The following RNF111 variants were observed in gnomAD, a reference collection of about 807,000 sequenced individuals.
The protein encoded by RNF111 is E3 ubiquitin-protein ligase Arkadia.
In RNF111, 17 loss-of-function variants were observed where a neutral mutation model predicts 95.1. That is an observed-to-expected ratio of 0.18 (90% CI 0.12 to 0.27). RNF111 has a LOEUF of 0.27. RNF111 is among the 10% of genes least tolerant of loss of function. The pLI, the probability that RNF111 is intolerant of heterozygous loss-of-function variation, is 1.00. For synonymous variants in RNF111, 440 were observed against 414.8 expected (o/e 1.06, Z -0.74); for missense variants, 1,189 against 1,210.4 (o/e 0.98, Z 0.26).
intron 6 of RNF111, among the ~76,000 whole-genome samples, chr15:59,069,551 A>G (rs2042817176): frequency 6.6e-6 from 1 of 152,216 alleles, no homozygotes; most frequent in South Asian, 2.1e-4. Flanking sequence ...TGTTCAGTGT[A>G]AAATAAATAT....
In RNF111 at chr15:59,085,648, C is replaced by T; in HGVS notation, c.2424-11C>T. 1.9e-6 allele frequency: 3 copies of T among 1,612,124 alleles called. No homozygotes were observed. Among genetic ancestry groups the T allele is most frequent in the Non-Finnish European group, 2.5e-6 (3 of 1,178,960 alleles). ...CTAAGGAGGATTAAACTGTTCTCATCCTTTCGTTAGGGAACTGGGAATTGA... is the reference window on the plus strand; with the variant it reads ...CTAAGGAGGATTAAACTGTTCTCATTCTTTCGTTAGGGAACTGGGAATTGA... On this transcript the variant is annotated splice_polypyrimidine_tract_variant and intron_variant, in intron 9 of 13. Coordinates refer to ENST00000348370, the MANE Select transcript of RNF111 (RefSeq NM_017610.8).
intron 2 of RNF111, chr15:59,049,503 C>T (rs2041873687): frequency 1.0e-5 from 2 of 200,840 alleles, no homozygotes; most frequent in South Asian, 9.6e-5. Flanking sequence ...TTCAGTTGTA[C>T]CTAGGTACCT....
In RNF111 at chr15:59,096,372, G is replaced by T. The variant is rs2079177134; in HGVS notation, c.*1472G>T. On this transcript the variant is annotated 3_prime_UTR_variant, in exon 14 of 14. Coordinates refer to ENST00000348370, the MANE Select transcript of RNF111 (RefSeq NM_017610.8). ...CATATGTGAAGATGTCAATAAGCTT[G>T]CATTAAGCCACCTGCTTTGTAAGTG... The T allele has an allele frequency of 1.0e-5, 3 of 299,072 alleles. No individual in the cohort carries two copies. Among genetic ancestry groups the T allele is most frequent in the African/African-American group, 6.5e-5 (3 of 46,440 alleles). The allele number at this position is 299,072 out of a possible 1,614,324, so 18.5% of individuals were successfully genotyped here. A position where few individuals can be genotyped will look rare whatever the true frequency, so the allele number is the denominator to read the frequency against.
chr15:59,081,927 A>G (rs1194573152), intron 8 of RNF111, among the ~76,000 whole-genome samples: 1 of 152,154 alleles, frequency 6.6e-6, no homozygotes, highest in African/African-American at 2.4e-5. Context: ...GGGTAGGCTG[A>G]GATGAAAGGA....
chr15:59,000,488 G>T (rs1186927863), intron 1 of RNF111, among the ~76,000 whole-genome samples: 1 of 152,052 alleles, frequency 6.6e-6, no homozygotes, highest in Admixed American at 6.5e-5. Context: ...GAGGCAGGCG[G>T]ATCACCTGAG....
intron 7 of RNF111, among the ~76,000 whole-genome samples, chr15:59,077,934 C>A (rs1295933200): frequency 6.6e-6 from 1 of 152,142 alleles, no homozygotes; most frequent in African/African-American, 2.4e-5. Context: ...CCAACTTGCC[C>A]GTGCTTTTAA....
intron 13 of RNF111, 131 bp downstream of exon 13, chr15:59,092,771 C>T (rs2079087316): frequency 1.1e-6 from 1 of 879,724 alleles, no homozygotes; most frequent in Non-Finnish European, 1.7e-6. Context: ...AGGCCAGAGG[C>T]TCTCTTGAGG....
chr15:59,055,990 T>C, intron 4 of RNF111, 145 bp downstream of exon 4: 1 of 627,866 alleles, frequency 1.6e-6, no homozygotes, highest in Non-Finnish European at 2.5e-6. Flanking sequence ...TCGTTTTTAA[T>C]TGATATCCTA....
intron 2 of RNF111, among the ~76,000 whole-genome samples, chr15:59,039,611 TC>T (rs2041347916): frequency 1.3e-5 from 2 of 152,214 alleles, no homozygotes; most frequent in South Asian, 4.1e-4. Flanking sequence ...TTTGATGCCA[TC>T]CTAGTAGTCG....
At chr15:59,078,593 C>T (rs1023149604) in intron 7 of RNF111, among the ~76,000 whole-genome samples, 10 of 151,094 alleles carry the variant, frequency 6.6e-5, no homozygotes, top group East Asian at 1.9e-4. Context: ...CACAGTGGCT[C>T]ACGCCTGTAA....
chr15:59,030,770 A>G (rs907253744), intron 1 of RNF111, 34 bp from the exon 2 acceptor site: 2 of 1,420,850 alleles, frequency 1.4e-6, no homozygotes, highest in Non-Finnish European at 1.9e-6. Flanking sequence ...AAAACACATT[A>G]AAAATCTTTT....
intron 2 of RNF111, among the ~76,000 whole-genome samples, chr15:59,036,847 T>C (rs535901142): frequency 1.3e-5 from 2 of 152,152 alleles, no homozygotes; most frequent in Non-Finnish European, 2.9e-5. Flanking sequence ...TTTATTTGCT[T>C]TTTGAGACAG....
At chr15:58,992,460 T>A (rs1453162293) in intron 1 of RNF111, among the ~76,000 whole-genome samples, 7 of 152,266 alleles carry the variant, frequency 4.6e-5, no homozygotes, top group African/African-American at 1.7e-4. Flanking sequence ...GGGTGATGGG[T>A]ACATGGGTAT....
rs930210334 is a variant in RNF111, at chr15:59,016,403, C to T, written c.-19-14401C>T. Reference sequence around the variant, plus strand: ...CAGGATGGTCTTGATCTCTTGACTTCGTGATCTGCCCACTTTGGCCTAATT... The same window carrying T: ...CAGGATGGTCTTGATCTCTTGACTTTGTGATCTGCCCACTTTGGCCTAATT... On this transcript the variant is annotated intron_variant, in intron 1 of 13. Coordinates refer to ENST00000348370, the MANE Select transcript of RNF111 (RefSeq NM_017610.8). 7.2e-5 allele frequency among the ~76,000 whole-genome samples: 11 copies of T among 151,948 alleles called. No individual in the cohort carries two copies. The South Asian group carries it at 8.3e-4, about 11-fold the overall frequency.
chr15:59,079,809 T>C (rs1247749757), intron 7 of RNF111, among the ~76,000 whole-genome samples: 1 of 152,218 alleles, frequency 6.6e-6, no homozygotes, highest in Admixed American at 6.5e-5. Flanking sequence ...TTTACGTCCA[T>C]ATTTGATGGG....
intron 1 of RNF111, among the ~76,000 whole-genome samples, chr15:59,006,758 C>T (rs1348545896): frequency 1.3e-5 from 2 of 152,164 alleles, no homozygotes; most frequent in African/African-American, 4.8e-5. Flanking sequence ...TTTCATGTCA[C>T]TAACTAGAGT....
intron 5 of RNF111, among the ~76,000 whole-genome samples, chr15:59,060,934 G>A (rs1486523806): frequency 3.3e-5 from 5 of 151,770 alleles, no homozygotes; most frequent in African/African-American, 9.7e-5. Context: ...GGGACCACAG[G>A]CATGACCACC....
rs567852479 is a variant in RNF111 at position 59,056,643 on chromosome 15, A to G, written c.1171+798A>G. 5.3e-5 allele frequency among the ~76,000 whole-genome samples: 8 copies of G among 152,240 alleles called. No homozygotes were observed. The East Asian group carries it at 1.2e-3, about 22-fold the overall frequency. On this transcript the variant is annotated intron_variant, in intron 4 of 13. Coordinates refer to ENST00000348370, the MANE Select transcript of RNF111 (RefSeq NM_017610.8). ...TATACAATCAGCTCTTCTATGGGCT[A>G]TTTGCAGTTTGGGTGGTCATAACTT...
intron 2 of RNF111, among the ~76,000 whole-genome samples, chr15:59,046,855 A>T (rs1307573810): frequency 1.3e-5 from 2 of 152,088 alleles, no homozygotes; most frequent in African/African-American, 4.8e-5. Context: ...ATATATAAGG[A>T]ACTCTTTATT....
Sources: allele counts gnomAD v4.1 joint callset (sites outside exome capture counted in the v4.1 genomes callset), GRCh38; gene constraint gnomAD v4.1.1; transcripts MANE v1.5; gene names NCBI Gene and HGNC (gene_info 2026-07-23, HGNC 2026-07-21).